ITPK1: variants seen among roughly 807,000 people sequenced by gnomAD.
ITPK1 encodes the protein inositol-tetrakisphosphate 1-kinase.
In ITPK1, 21 loss-of-function variants were observed where a neutral mutation model predicts 45.3. The ratio of observed to expected loss-of-function variants is 0.46; its 90% confidence interval spans 0.33 to 0.67. ITPK1 has a LOEUF of 0.67. ITPK1 is among the 30% of genes least tolerant of loss of function. The probability of loss-of-function intolerance (pLI) is 0.02; values close to 1 mark genes in which losing one functional copy is unlikely to be tolerated. For synonymous variants in ITPK1, 258 were observed against 253.6 expected (o/e 1.02, Z -0.16); for missense variants, 474 against 573.5 (o/e 0.83, Z 1.77).
chr14:93,061,231 T>C (rs967119328), intron 3 of ITPK1, among the ~76,000 whole-genome samples: 12 of 152,258 alleles, frequency 7.9e-5, no homozygotes, highest in Non-Finnish European at 1.5e-4. Context: ...ATAAGTACTT[T>C]GACACTGTAT....
Position 92,939,619 on chromosome 14 carries a change from G to A in ITPK1, c.*1942C>T. 4 of 929,056 alleles carry A rather than the reference G, an allele frequency of 4.3e-6. No individual in the cohort carries two copies. The highest frequency in any genetic ancestry group is 5.1e-6 in the Non-Finnish European group (4 of 778,972). 57.6% of individuals were successfully genotyped at this position (929,056 alleles called of 1,614,324 possible). On this transcript the variant is annotated 3_prime_UTR_variant, in exon 11 of 11. Coordinates refer to ENST00000267615, the MANE Select transcript of ITPK1 (RefSeq NM_014216.6). Reference sequence around the variant, plus strand: ...CCCCCGCCCCACCACGGAGGCCTATGGACGCCACCACGACACCACATGGCA... The same window carrying A: ...CCCCCGCCCCACCACGGAGGCCTATAGACGCCACCACGACACCACATGGCA...
At chr14:92,959,630 T>G (rs1381969532) in intron 7 of ITPK1, among the ~76,000 whole-genome samples, 1 of 152,126 alleles carries the variant, frequency 6.6e-6, no homozygotes, top group Non-Finnish European at 1.5e-5. Flanking sequence ...GCCCCCACCC[T>G]GCTTAAGCGC....
intron 3 of ITPK1, among the ~76,000 whole-genome samples, chr14:93,017,263 T>C (rs1412709112): frequency 1.3e-5 from 2 of 152,368 alleles, no homozygotes; most frequent in African/African-American, 4.8e-5. Flanking sequence ...TCTAAGTGGA[T>C]ACTGCTTCTG....
intron 2 of ITPK1, among the ~76,000 whole-genome samples, chr14:93,078,344 T>G (rs1003097845): frequency 5.9e-5 from 9 of 152,106 alleles, no homozygotes; most frequent in African/African-American, 2.2e-4. Flanking sequence ...CACCTTCTGA[T>G]AGCAAGGCAC....
chr14:92,994,321 G>C, intron 4 of ITPK1, among the ~76,000 whole-genome samples: 1 of 152,202 alleles, frequency 6.6e-6, no homozygotes, highest in East Asian at 1.9e-4. Flanking sequence ...TCTGGGAGTG[G>C]CGGCCCCATG....
intron 3 of ITPK1, among the ~76,000 whole-genome samples, chr14:93,047,662 C>T (rs1260261034): frequency 6.6e-6 from 1 of 152,242 alleles, no homozygotes; most frequent in Non-Finnish European, 1.5e-5. Context: ...CTGCTGACAT[C>T]CTGAGTCCAA....
chr14:93,000,672 C>T (rs1364238142), intron 4 of ITPK1, among the ~76,000 whole-genome samples: 1 of 152,192 alleles, frequency 6.6e-6, no homozygotes, highest in African/African-American at 2.4e-5. Flanking sequence ...GAAAGCTAAA[C>T]GTTAGTGAAC....
chr14:93,058,148 G>T (rs1486264667), intron 3 of ITPK1, among the ~76,000 whole-genome samples: 4 of 151,914 alleles, frequency 2.6e-5, no homozygotes, highest in African/African-American at 9.7e-5. Context: ...CCCCTGTTAG[G>T]GCCCTGGGCC....
At chr14:92,998,207 T>C (rs2139817859) in intron 4 of ITPK1, among the ~76,000 whole-genome samples, 1 of 152,184 alleles carries the variant, frequency 6.6e-6, no homozygotes. Context: ...CAAAAGGAGT[T>C]TGTAGACACA....
Position 93,034,895 on chromosome 14 carries a change from C to T in ITPK1, c.121-18094G>A, listed in dbSNP as rs558621947. On this transcript the variant is annotated intron_variant, in intron 3 of 10. Coordinates refer to ENST00000267615, the MANE Select transcript of ITPK1 (RefSeq NM_014216.6). This position sits in a 1 kb window ranked among gnomAD's most constrained non-coding sequence, Gnocchi z 4.1. The stretch of plus-strand genomic sequence containing the variant: ...CTCCAACCTGAGGTCCTGGCCCTCC[C>T]ATCACCTATGGGGCCTGGCAGGCCT... 6.6e-6 allele frequency among the ~76,000 whole-genome samples: 1 copy of T among 152,372 alleles called. No homozygotes were observed. Among genetic ancestry groups the T allele is most frequent in the Non-Finnish European group, 1.5e-5 (1 of 68,034 alleles).
intron 3 of ITPK1, among the ~76,000 whole-genome samples, chr14:93,041,102 T>C (rs1055299534): frequency 5.9e-5 from 9 of 152,166 alleles, no homozygotes; most frequent in Non-Finnish European, 1.3e-4. Context: ...AGGAGGGGGC[T>C]ATTTTGATCA....
Position 93,027,704 on chromosome 14 carries a change from A to G in ITPK1, c.121-10903T>C, listed in dbSNP as rs184263523. 1.0e-3 allele frequency among the ~76,000 whole-genome samples: 153 copies of G among 152,316 alleles called. 1 individual carries two copies. Among genetic ancestry groups the G allele is most frequent in the African/African-American group, 3.5e-3 (147 of 41,572 alleles). ...GAGCCCGTGCACTAGTCACTGAGTA[A>G]GCAAGACAGTCATCAACAGAAAACA... On this transcript the variant is annotated intron_variant, in intron 3 of 10. Transcript: ENST00000267615.
chr14:93,018,007 C>T (rs1888272545), intron 3 of ITPK1, among the ~76,000 whole-genome samples: 1 of 152,200 alleles, frequency 6.6e-6, no homozygotes, highest in African/African-American at 2.4e-5. Flanking sequence ...TAAGGCTGCG[C>T]TTCTCACTCC....
chr14:93,073,151 G>C (rs1157221417), intron 3 of ITPK1, among the ~76,000 whole-genome samples: 1 of 152,236 alleles, frequency 6.6e-6, no homozygotes, highest in Admixed American at 6.5e-5. Flanking sequence ...CCTCACAATG[G>C]TGCCAGGGGA....
At chr14:93,069,610 T>G (rs1254684864) in intron 3 of ITPK1, 2 of 153,268 alleles carry the variant, frequency 1.3e-5, no homozygotes, top group African/African-American at 4.8e-5. Flanking sequence ...CAGACAGGCC[T>G]GCCCTGCCCC....
rs1202779759 is a variant in ITPK1, at chr14:92,958,070, T to C, written c.670+131A>G. The C allele has an allele frequency of 2.4e-6, 2 of 838,974 alleles. No homozygotes were observed. Among genetic ancestry groups the C allele is most frequent in the Non-Finnish European group, 3.9e-6 (2 of 511,684 alleles). The allele number at this position is 838,974 out of a possible 1,614,324, so 52.0% of individuals were successfully genotyped here. A position where few individuals can be genotyped will look rare whatever the true frequency, so the allele number is the denominator to read the frequency against. ...TCCACCGTACACAACTGTTTCCACC[T>C]TTAGAGCACCTCTCCATCCCACCAA... On this transcript the variant is annotated intron_variant, in intron 8 of 10. Coordinates refer to ENST00000267615, the MANE Select transcript of ITPK1 (RefSeq NM_014216.6). This position sits in a 1 kb window ranked among gnomAD's most constrained non-coding sequence, Gnocchi z 4.4.
chr14:93,081,792 G>A (rs1408350090), intron 2 of ITPK1, among the ~76,000 whole-genome samples: 1 of 152,234 alleles, frequency 6.6e-6, no homozygotes, highest in Non-Finnish European at 1.5e-5. Flanking sequence ...GGCGGGGGCT[G>A]AGACGCAGGA....
rs1889129208 is a variant in ITPK1 at position 93,032,645 on chromosome 14, A to ATTC, written c.121-15845_121-15844insGAA. On this transcript the variant is annotated intron_variant, in intron 3 of 10. Transcript: ENST00000267615. This position sits in a 1 kb window ranked among gnomAD's most constrained non-coding sequence, Gnocchi z 4.0. ...TCTGACCTGCCCCACCCTCAATGGGAGGAAGTCCCCCAGGGACCACATACA... is the reference window on the plus strand; with the variant it reads ...TCTGACCTGCCCCACCCTCAATGGGATTCGGAAGTCCCCCAGGGACCACATACA... 6.6e-6 allele frequency among the ~76,000 whole-genome samples: 1 copy of ATTC among 152,184 alleles called. No homozygotes were observed. The highest frequency in any genetic ancestry group is 2.4e-5 in the African/African-American group (1 of 41,440).
intron 4 of ITPK1, among the ~76,000 whole-genome samples, chr14:93,013,801 C>CA (rs1334318573): frequency 6.6e-6 from 1 of 152,200 alleles, no homozygotes; most frequent in Non-Finnish European, 1.5e-5. Flanking sequence ...AATCTGAAAA[C>CA]AAAGGGCACG....
Sources: gnomAD v4.1 joint callset for allele counts (sites outside exome capture counted in the v4.1 genomes callset) on GRCh38, gnomAD v4.1.1 for gene constraint, Gnocchi (gnomAD v3.1) non-coding constraint, MANE v1.5 for transcripts, NCBI Gene and HGNC (gene_info 2026-07-23, HGNC 2026-07-21) for gene names.